Variants in TESK2 observed in about 807,000 individuals in gnomAD.
The protein encoded by TESK2 is testis associated actin remodelling kinase 2.
TESK2 carries 39 observed loss-of-function variants against 57.1 expected under a neutral mutation model. That is an observed-to-expected ratio of 0.68 (90% CI 0.53 to 0.89). The LOEUF (loss-of-function observed/expected upper bound fraction) is 0.89, where lower values mean the gene tolerates loss of function less well. TESK2 is among the 40% of genes least tolerant of loss of function. The pLI is 0.00. For missense variants in TESK2, 646 were observed against 732.1 expected, an observed-to-expected ratio of 0.88 and a Z score of 1.36; for synonymous variants, 249 against 267.9, an observed-to-expected ratio of 0.93 and a Z score of 0.69.
At chr1:45,435,802 G>C (rs955620142) in intron 2 of TESK2, among the ~76,000 whole-genome samples, 1 of 151,094 alleles carries the variant, frequency 6.6e-6, no homozygotes, top group African/African-American at 2.4e-5. Context: ...TGGTGTGACT[G>C]GATTTGACTT....
intron 3 of TESK2, among the ~76,000 whole-genome samples, chr1:45,407,664 C>T (rs1361153916): frequency 6.6e-6 from 1 of 152,114 alleles, no homozygotes; most frequent in East Asian, 1.9e-4. Context: ...GGGAGTTCCC[C>T]TGCACATGTT....
rs779230240 is a variant in TESK2 at position 45,345,341 on chromosome 1, G to C, written c.1215C>G (p.Arg405=). ...TGATCTTGCCCCCCATGAGGTCCTG[G>C]CGAGCACTAAAAGGGTTGACTTTGG... ...RTPKVNPFSA[R]QDLMGGKIKF... The change falls in exon 11 of 11, where the codon CGC becomes CGG. Residue 405 remains arginine, a synonymous_variant. Transcript: ENST00000372086. 1.2e-6 allele frequency: 2 copies of C among 1,614,128 alleles called. No homozygotes were observed. Among genetic ancestry groups the C allele is most frequent in the South Asian group, 2.2e-5 (2 of 91,086 alleles).
chr1:45,374,034 T>G (rs1167090647), intron 4 of TESK2, among the ~76,000 whole-genome samples: 1 of 152,228 alleles, frequency 6.6e-6, no homozygotes, highest in East Asian at 1.9e-4. Context: ...AGTGTCACAC[T>G]AGTTTAACAA....
intron 4 of TESK2, among the ~76,000 whole-genome samples, chr1:45,369,283 G>A (rs1416111648): frequency 6.6e-6 from 1 of 151,798 alleles, no homozygotes; most frequent in Non-Finnish European, 1.5e-5. Context: ...GGTGGATCAC[G>A]AGGTCAAGAG....
intron 5 of TESK2, among the ~76,000 whole-genome samples, chr1:45,354,807 AAAAAAAAAATATATATATATATATAT>A (rs1207066452): frequency 2.0e-4 from 14 of 68,574 alleles, no homozygotes; most frequent in East Asian, 9.1e-4. Flanking sequence ...AAAAAAAAAA[AAAAAAAAAATATATATATATATATAT>A]ATATATATAT....
At chr1:45,370,680 G>T (rs1017581720) in intron 4 of TESK2, among the ~76,000 whole-genome samples, 2 of 152,124 alleles carry the variant, frequency 1.3e-5, no homozygotes, top group Admixed American at 6.6e-5. Context: ...TCTGGGCAAA[G>T]AAAAAGTCTG....
intron 2 of TESK2, among the ~76,000 whole-genome samples, chr1:45,449,221 CAA>C (rs568238822): frequency 5.3e-5 from 3 of 56,810 alleles, no homozygotes; most frequent in African/African-American, 6.7e-5. Flanking sequence ...GACTCTGTCT[CAA>C]AAAAAAAAAA....
At chr1:45,421,695 C>CAT (rs2149286915) in intron 3 of TESK2, 30 bp downstream of exon 3, 1 of 1,612,284 alleles carries the variant, frequency 6.2e-7, no homozygotes, top group Non-Finnish European at 8.5e-7. Flanking sequence ...TCAGTTTTCT[C>CAT]ATTGATCAGA....
At chr1:45,379,202 G>A (rs146395656) in intron 4 of TESK2, among the ~76,000 whole-genome samples, 2 of 152,340 alleles carry the variant, frequency 1.3e-5, no homozygotes, top group South Asian at 2.1e-4. Flanking sequence ...GTCTCACTTT[G>A]TTGTGCAGGC....
At chr1:45,387,966 C>T (rs896759854) in intron 3 of TESK2, among the ~76,000 whole-genome samples, 2 of 152,254 alleles carry the variant, frequency 1.3e-5, no homozygotes, top group Non-Finnish European at 2.9e-5. Flanking sequence ...GAGATCGTGC[C>T]ATTGCACTCC....
intron 4 of TESK2, among the ~76,000 whole-genome samples, chr1:45,368,985 C>A (rs1391570684): frequency 6.6e-6 from 1 of 151,554 alleles, no homozygotes; most frequent in African/African-American, 2.4e-5. Context: ...GAACTCCTGA[C>A]CTTAAGTGAT....
At chr1:45,348,762 C>T (rs948574955) in intron 5 of TESK2, among the ~76,000 whole-genome samples, 3 of 151,978 alleles carry the variant, frequency 2.0e-5, no homozygotes, top group African/African-American at 7.3e-5. Flanking sequence ...CATCTTTCTC[C>T]CTCTCATCTC....
In TESK2 at chr1:45,479,773, T is replaced by G. The variant is rs114904388; in HGVS notation, c.-87+11079A>C. ...TAATTGTTTTCTTGTTCCCATCGGA[T>G]AGATTAAAAAAATAAAGGACTGAAA... On this transcript the variant is annotated intron_variant, in intron 1 of 10. Transcript: ENST00000372086. Among the ~76,000 whole-genome samples the G allele has an allele frequency of 6.6e-3, 994 of 150,382 alleles. 5 individuals carry two copies. The highest frequency in any genetic ancestry group is 0.01 in the Non-Finnish European group (693 of 67,790).
intron 1 of TESK2, among the ~76,000 whole-genome samples, chr1:45,490,196 T>C (rs4660863): frequency 0.23 from 34,934 of 152,176 alleles, 4,122 homozygotes; most frequent in East Asian, 0.33. Context: ...GCATGCAGCA[T>C]GAAGTCCAAA....
At chr1:45,398,894 G>A (rs12737048) in intron 3 of TESK2, 1 of 406,694 alleles carries the variant, frequency 2.5e-6, no homozygotes, top group South Asian at 1.8e-5. Context: ...AGCAGATGCA[G>A]AAGATCCAGT....
chr1:45,357,148 A>C (rs971142193), intron 4 of TESK2, among the ~76,000 whole-genome samples: 6 of 152,076 alleles, frequency 3.9e-5, no homozygotes, highest in African/African-American at 1.4e-4. Context: ...GTGAGCTGAG[A>C]TCGTGCCATT....
At chr1:45,487,017 C>A (rs1251207132) in intron 1 of TESK2, among the ~76,000 whole-genome samples, 1 of 151,514 alleles carries the variant, frequency 6.6e-6, no homozygotes, top group African/African-American at 2.4e-5. Flanking sequence ...TCAGTAGAGA[C>A]AGGGTTTCTC....
intron 1 of TESK2, among the ~76,000 whole-genome samples, chr1:45,472,192 C>T (rs929373065): frequency 9.4e-5 from 14 of 148,516 alleles, no homozygotes; most frequent in Admixed American, 6.8e-4. Flanking sequence ...GCGGAGCTTG[C>T]AGTGAGCCGA....
chr1:45,346,004 T>C lies in TESK2; in HGVS notation c.880-10A>G, dbSNP rs2149262270. ...GCAGTTTGGGATCCATCTGTAGGTA[T>C]CCACAACAGCCATGAGCTCTGCCCT... On this transcript the variant is annotated splice_polypyrimidine_tract_variant and intron_variant, in intron 9 of 10. Coordinates refer to ENST00000372086, the MANE Select transcript of TESK2 (RefSeq NM_007170.3). The C allele has an allele frequency of 1.2e-6, 2 of 1,600,236 alleles. No individual in the cohort carries two copies. Among genetic ancestry groups the C allele is most frequent in the Non-Finnish European group, 1.7e-6 (2 of 1,167,414 alleles).
Sources: gnomAD v4.1 joint callset for allele counts (sites outside exome capture counted in the v4.1 genomes callset) on GRCh38, gnomAD v4.1.1 for gene constraint, MANE v1.5 for transcripts, NCBI Gene and HGNC (gene_info 2026-07-23, HGNC 2026-07-21) for gene names.